HHAT: variants seen among roughly 807,000 people sequenced by gnomAD.
The protein encoded by HHAT is protein-cysteine N-palmitoyltransferase HHAT.
Under a neutral mutation model 70.8 loss-of-function variants are expected in HHAT, and 47 were observed. The observed-to-expected ratio is 0.66, with a 90% CI of 0.53 to 0.85. The LOEUF is 0.85. HHAT is among the 40% of genes least tolerant of loss of function. HHAT has a pLI of 0.00. For synonymous variants in HHAT, 228 were observed against 247.6 expected (o/e 0.92, Z 0.74); for missense variants, 609 against 604.8 (o/e 1.01, Z -0.07).
chr1:210,664,871 A>G (rs1304659919), intron 11 of HHAT, among the ~76,000 whole-genome samples: 1 of 152,172 alleles, frequency 6.6e-6, no homozygotes, highest in Non-Finnish European at 1.5e-5. Flanking sequence ...TCTGATGCAC[A>G]CCAGCTGAGT....
chr1:210,385,030 T>C (rs1427488132), intron 3 of HHAT, among the ~76,000 whole-genome samples: 1 of 152,200 alleles, frequency 6.6e-6, no homozygotes, highest in Non-Finnish European at 1.5e-5. Context: ...AAAGGCCATG[T>C]GTAATTTTTG....
intron 9 of HHAT, among the ~76,000 whole-genome samples, chr1:210,571,811 G>A (rs1408004054): frequency 6.6e-6 from 1 of 152,188 alleles, no homozygotes; most frequent in Non-Finnish European, 1.5e-5. Context: ...TTTATTGCAT[G>A]AACAGAAGCA....
intron 7 of HHAT, among the ~76,000 whole-genome samples, chr1:210,428,141 G>A (rs1472120069): frequency 1.3e-5 from 2 of 149,944 alleles, no homozygotes; most frequent in East Asian, 1.9e-4. Flanking sequence ...TTGCATTTCC[G>A]TCCATCCACA....
intron 11 of HHAT, among the ~76,000 whole-genome samples, chr1:210,634,822 C>G (rs1018956483): frequency 6.6e-6 from 1 of 152,116 alleles, no homozygotes; most frequent in African/African-American, 2.4e-5. Context: ...TTCTATCAGC[C>G]AGGGCTTTAC....
At chr1:210,598,767 C>G (rs1663582797) in intron 10 of HHAT, among the ~76,000 whole-genome samples, 2 of 152,202 alleles carry the variant, frequency 1.3e-5, no homozygotes, top group Non-Finnish European at 2.9e-5. Context: ...TTCAGTGATA[C>G]AAAGTTAAAA....
intron 11 of HHAT, among the ~76,000 whole-genome samples, chr1:210,655,597 G>A (rs754055478): frequency 7.2e-5 from 11 of 152,212 alleles, no homozygotes; most frequent in Non-Finnish European, 1.5e-4. Context: ...CAGACCTGCC[G>A]TTGATTGTGG....
chr1:210,537,881 C>G (rs1305389265), intron 9 of HHAT, among the ~76,000 whole-genome samples: 1 of 152,078 alleles, frequency 6.6e-6, no homozygotes, highest in Non-Finnish European at 1.5e-5. Context: ...TTGAGAAACT[C>G]GAGTCATTTG....
chr1:210,350,587 A>G (rs1022185574), intron 2 of HHAT, among the ~76,000 whole-genome samples: 2 of 152,346 alleles, frequency 1.3e-5, no homozygotes, highest in Non-Finnish European at 2.9e-5. Context: ...TTGCTGATAT[A>G]TAGGAAAGCA....
At chr1:210,368,382 C>T (rs1370696800) in intron 3 of HHAT, among the ~76,000 whole-genome samples, 1 of 152,134 alleles carries the variant, frequency 6.6e-6, no homozygotes, top group Non-Finnish European at 1.5e-5. Flanking sequence ...ACCTCTGCCT[C>T]CCAGGTTCAA....
At chr1:210,479,779 C>A (rs111453896) in intron 8 of HHAT, among the ~76,000 whole-genome samples, 1 of 152,138 alleles carries the variant, frequency 6.6e-6, no homozygotes, top group East Asian at 1.9e-4. Context: ...AATAATTGTA[C>A]GTCACTTTGA....
At chr1:210,399,762 A>G (rs181690657) in intron 4 of HHAT, among the ~76,000 whole-genome samples, 192 of 152,314 alleles carry the variant, frequency 1.3e-3, no homozygotes, top group African/African-American at 4.5e-3. Flanking sequence ...TAATTCATCT[A>G]CTTATTCAAT....
At chr1:210,336,429 G>A (rs2085507439) in intron 1 of HHAT, among the ~76,000 whole-genome samples, 1 of 151,362 alleles carries the variant, frequency 6.6e-6, no homozygotes, top group Non-Finnish European at 1.5e-5. Flanking sequence ...CCTCTGGCCT[G>A]GCGTGCAGTT....
At chr1:210,400,963 A>G (rs1257208214) in intron 5 of HHAT, among the ~76,000 whole-genome samples, 1 of 152,206 alleles carries the variant, frequency 6.6e-6, no homozygotes, top group Non-Finnish European at 1.5e-5. Flanking sequence ...GAACAAAGAG[A>G]GAAGAAACAA....
intron 9 of HHAT, among the ~76,000 whole-genome samples, chr1:210,573,262 A>G (rs1451012553): frequency 6.6e-6 from 1 of 152,078 alleles, no homozygotes; most frequent in African/African-American, 2.4e-5. Flanking sequence ...TGCCACTGAA[A>G]TCTGTGACCC....
intron 9 of HHAT, among the ~76,000 whole-genome samples, chr1:210,556,623 G>T (rs2095575142): frequency 6.6e-6 from 1 of 152,174 alleles, no homozygotes. Context: ...CTCCAAGAGG[G>T]GAGCTGATAT....
intron 11 of HHAT, among the ~76,000 whole-genome samples, chr1:210,631,774 G>A (rs1670912658): frequency 6.6e-6 from 1 of 152,198 alleles, no homozygotes; most frequent in Non-Finnish European, 1.5e-5. Flanking sequence ...ATCAGAAAGT[G>A]GAATCCAGGG....
intron 3 of HHAT, among the ~76,000 whole-genome samples, chr1:210,375,004 A>G (rs1290414266): frequency 6.6e-6 from 1 of 152,230 alleles, no homozygotes; most frequent in Non-Finnish European, 1.5e-5. Context: ...TTAGCTCCCC[A>G]GTGGGGAATC....
At chr1:210,450,180 A>G (rs2093721088) in intron 7 of HHAT, among the ~76,000 whole-genome samples, 1 of 151,712 alleles carries the variant, frequency 6.6e-6, no homozygotes, top group South Asian at 2.1e-4. Flanking sequence ...AATTCCAGCT[A>G]CTTGGGAGGC....
intron 2 of HHAT, among the ~76,000 whole-genome samples, chr1:210,352,850 C>A (rs2087178605): frequency 6.6e-6 from 1 of 152,038 alleles, no homozygotes; most frequent in African/African-American, 2.4e-5. Flanking sequence ...TGGTGCTCTG[C>A]AGTACTGTGG....
Sources: gnomAD v4.1 joint callset for allele counts (sites outside exome capture counted in the v4.1 genomes callset) on GRCh38, gnomAD v4.1.1 for gene constraint, MANE v1.5 for transcripts, NCBI Gene and HGNC (gene_info 2026-07-23, HGNC 2026-07-21) for gene names.